The following CRACR2A variants were observed in gnomAD, a reference collection of about 807,000 sequenced individuals.
CRACR2A encodes calcium release activated channel regulator 2A.
A neutral mutation model predicts 90.5 loss-of-function variants in CRACR2A; 79 were observed. The ratio of observed to expected loss-of-function variants is 0.87; its 90% CI spans 0.73 to 1.05. The LOEUF (loss-of-function observed/expected upper bound fraction) is 1.05, where lower values mean the gene tolerates loss of function less well. Ranked by LOEUF, CRACR2A falls within the 50% of genes least tolerant of loss-of-function variation. CRACR2A has a pLI of 0.00. For missense variants in CRACR2A, 823 were observed against 897.2 expected, an observed-to-expected ratio of 0.92 and a Z score of 1.06; for synonymous variants, 338 against 356.7, an observed-to-expected ratio of 0.95 and a Z score of 0.59.
chr12:3,626,551 T>G (rs1944264519), intron 17 of CRACR2A, among the ~76,000 whole-genome samples: 1 of 152,216 alleles, frequency 6.6e-6, no homozygotes, highest in Non-Finnish European at 1.5e-5. Context: ...TTTGTCTCTT[T>G]TATTCACTGC....
At chr12:3,646,395 TGCAGCCATTTATGGA>T (rs1944688520) in intron 11 of CRACR2A, among the ~76,000 whole-genome samples, 1 of 152,240 alleles carries the variant, frequency 6.6e-6, no homozygotes, top group Admixed American at 6.5e-5. Flanking sequence ...ATCATCATAA[TGCAGCCATTTATGGA>T]GCACTTATTG....
chr12:3,657,375 C>G (rs1944931999), intron 8 of CRACR2A, among the ~76,000 whole-genome samples: 1 of 152,210 alleles, frequency 6.6e-6, no homozygotes, highest in Non-Finnish European at 1.5e-5. Flanking sequence ...GGACTCTTTC[C>G]CAAGGAGGAC....
Position 3,638,121 on chromosome 12 carries a change from T to A in CRACR2A, c.1602+3A>T. 1 of 1,539,370 alleles carries A rather than the reference T, an allele frequency of 6.5e-7. No homozygotes were observed. The highest frequency in any genetic ancestry group is 1.2e-5 in the South Asian group (1 of 83,620). ...CATGAACCAAGGTAGGCTGTGCCCT[T>A]ACCTTACACAGGGCTTCTTTTCCAA... On this transcript the variant is annotated splice_donor_region_variant and intron_variant, in intron 14 of 19. Transcript: ENST00000440314.
At chr12:3,680,472 A>G in intron 4 of CRACR2A, 123 bp from the exon 5 acceptor site, 1 of 721,328 alleles carries the variant, frequency 1.4e-6, no homozygotes, top group Non-Finnish European at 2.3e-6. Flanking sequence ...AAAAGCCAGT[A>G]GAAAGCTTCT....
At chr12:3,715,143 G>T (rs1050878094) in intron 2 of CRACR2A, among the ~76,000 whole-genome samples, 1 of 152,242 alleles carries the variant, frequency 6.6e-6, no homozygotes, top group Non-Finnish European at 1.5e-5. Flanking sequence ...GGCACTGGGT[G>T]CATGGGATAT....
chr12:3,723,902 G>T (rs1165116862), intron 2 of CRACR2A, among the ~76,000 whole-genome samples: 3 of 152,152 alleles, frequency 2.0e-5, no homozygotes, highest in African/African-American at 7.2e-5. Flanking sequence ...AGAAGGAAGA[G>T]ATCTCCTTCC....
At chr12:3,691,501 C>T (rs573268702) in intron 4 of CRACR2A, among the ~76,000 whole-genome samples, 21 of 152,108 alleles carry the variant, frequency 1.4e-4, no homozygotes, top group African/African-American at 2.9e-4. Flanking sequence ...GGGTTTCTAC[C>T]GAGAAGTCTG....
At chr12:3,641,130 G>A (rs1265525671) in intron 13 of CRACR2A, among the ~76,000 whole-genome samples, 1 of 152,124 alleles carries the variant, frequency 6.6e-6, no homozygotes, top group African/African-American at 2.4e-5. Flanking sequence ...CAGATCACGA[G>A]GGCAGGAGTT....
At chr12:3,738,999 T>C (rs986763069) in intron 1 of CRACR2A, among the ~76,000 whole-genome samples, 1 of 151,412 alleles carries the variant, frequency 6.6e-6, no homozygotes, top group African/African-American at 2.4e-5. Flanking sequence ...TAAAAAGATA[T>C]CCTTTAAGAA....
At chr12:3,700,764 C>T (rs926122447) in intron 3 of CRACR2A, among the ~76,000 whole-genome samples, 9 of 152,130 alleles carry the variant, frequency 5.9e-5, no homozygotes, top group African/African-American at 1.9e-4. Flanking sequence ...CAATGATATC[C>T]AAAGATTTCA....
chr12:3,640,808 A>C, intron 13 of CRACR2A: 1 of 1,305,066 alleles, frequency 7.7e-7, no homozygotes, highest in South Asian at 1.2e-5. Flanking sequence ...TGCCAAAATG[A>C]AGAGTGGGCA....
chr12:3,680,449 G>T, intron 4 of CRACR2A, 100 bp from the exon 5 acceptor site: 1 of 940,400 alleles, frequency 1.1e-6, no homozygotes. Flanking sequence ...TCTAGAGTTC[G>T]GCCCAGTCCT....
In CRACR2A at chr12:3,745,502, A is replaced by G. The variant is rs562976062; in HGVS notation, c.-387+7513T>C. On this transcript the variant is annotated intron_variant, in intron 1 of 19. Transcript: ENST00000440314. Reference sequence around the variant, plus strand: ...GAAATAGTAGCTTTAGGCCAGGTGCAGTGGCTCACACCTGTAATCTCAGCA... The same window carrying G: ...GAAATAGTAGCTTTAGGCCAGGTGCGGTGGCTCACACCTGTAATCTCAGCA... 1.4e-3 allele frequency among the ~76,000 whole-genome samples: 213 copies of G among 152,192 alleles called. 2 individuals are homozygous for G. Among genetic ancestry groups the G allele is most frequent in the African/African-American group, 4.8e-3 (201 of 41,504 alleles).
chr12:3,713,111 T>G lies in CRACR2A; in HGVS notation c.-37+126A>C, dbSNP rs921331331. The G allele has an allele frequency of 3.3e-5, 9 of 269,996 alleles. No homozygotes were observed. The Admixed American group carries it at 5.2e-4, about 16-fold the overall frequency. The allele number at this position is 269,996 out of a possible 1,614,324, so 16.7% of individuals were successfully genotyped here. On this transcript the variant is annotated intron_variant, in intron 3 of 19. Transcript: ENST00000440314. The stretch of plus-strand genomic sequence containing the variant: ...TTGTTTCTCAAATCTAAGGGCCCAC[T>G]GCTGATCCTCATGAATATTAAAAAA...
rs1946507477 is a variant in CRACR2A, at chr12:3,740,460, C to A, written c.-386-7250G>T. ...GGGTGGCGTCCTTACTCGGCATTTG[C>A]AACTTACATGTCCTTGGGCAAGCCA... On this transcript the variant is annotated intron_variant, in intron 1 of 19. Coordinates refer to ENST00000440314, the MANE Select transcript of CRACR2A (RefSeq NM_001144958.2). Among the ~76,000 whole-genome samples the A allele has an allele frequency of 3.9e-5, 6 of 152,164 alleles. No homozygotes were observed. In the South Asian group the frequency reaches 1.2e-3, roughly 32 times the overall value.
chr12:3,733,912 C>T (rs1356794460), intron 1 of CRACR2A, among the ~76,000 whole-genome samples: 2 of 137,858 alleles, frequency 1.5e-5, no homozygotes, highest in African/African-American at 2.7e-5. Context: ...CACACACACA[C>T]TTTTCTCTCC....
At position 3,623,694 on chromosome 12, in the gene CRACR2A, T is replaced by C. The variant is rs151282290; in HGVS notation, c.1932+3742A>G. Among the ~76,000 whole-genome samples the C allele has an allele frequency of 2.0e-4, 30 of 152,294 alleles. No individual in the cohort carries two copies. In the East Asian group the frequency reaches 5.8e-3, roughly 29 times the overall value. On this transcript the variant is annotated intron_variant, in intron 17 of 19. Coordinates refer to ENST00000440314, the MANE Select transcript of CRACR2A (RefSeq NM_001144958.2). Reference sequence around the variant, plus strand: ...TGGCCGAAAGACTGCCTGCGGTGACTTCCTATAAGGCACTCAGGAGAATCG... The same window carrying C: ...TGGCCGAAAGACTGCCTGCGGTGACCTCCTATAAGGCACTCAGGAGAATCG...
chr12:3,730,232 A>G (rs1946340871), intron 2 of CRACR2A: 1 of 152,196 alleles, frequency 6.6e-6, no homozygotes, highest in South Asian at 2.1e-4. Flanking sequence ...TACATGAGTG[A>G]TTTCCCTTCC....
At chr12:3,698,552 T>C (rs1429905011) in intron 3 of CRACR2A, among the ~76,000 whole-genome samples, 1 of 152,244 alleles carries the variant, frequency 6.6e-6, no homozygotes, top group Non-Finnish European at 1.5e-5. Context: ...GGCCTTGACA[T>C]TGCAGATCAG....
Sources: gnomAD v4.1 joint callset for allele counts (sites outside exome capture counted in the v4.1 genomes callset) on GRCh38, gnomAD v4.1.1 for gene constraint, MANE v1.5 for transcripts, NCBI Gene and HGNC (gene_info 2026-07-23, HGNC 2026-07-21) for gene names.